The following CCSER1 variants were observed in gnomAD, a reference collection of about 807,000 sequenced individuals.
CCSER1 encodes the protein coiled-coil serine rich protein 1, also known as serine-rich coiled-coil domain-containing protein 1.
In CCSER1, 41 loss-of-function variants were observed where a neutral mutation model predicts 82.0. The ratio of observed to expected loss-of-function variants is 0.50; its 90% confidence interval spans 0.39 to 0.65. The LOEUF is 0.65. Ranked by LOEUF, CCSER1 falls within the 30% of genes least tolerant of loss-of-function variation. CCSER1 has a pLI of 0.00. For synonymous variants in CCSER1, 414 were observed against 383.9 expected (o/e 1.08, Z -0.92); for missense variants, 1,119 against 1,064.2 (o/e 1.05, Z -0.72).
At chr4:90,980,932 T>C (rs559271517) in intron 9 of CCSER1, among the ~76,000 whole-genome samples, 9 of 151,946 alleles carry the variant, frequency 5.9e-5, no homozygotes, top group Admixed American at 5.9e-4. Flanking sequence ...ATTGGTGCCC[T>C]GCCCATAGTC....
intron 10 of CCSER1, among the ~76,000 whole-genome samples, chr4:91,221,816 A>G (rs533813060): frequency 6.6e-6 from 1 of 152,274 alleles, no homozygotes; most frequent in South Asian, 2.1e-4. Context: ...ATTAATAAAT[A>G]GCTAGAGTCC....
At chr4:91,161,729 C>G (rs929983615) in intron 10 of CCSER1, among the ~76,000 whole-genome samples, 1 of 151,982 alleles carries the variant, frequency 6.6e-6, no homozygotes, top group Admixed American at 6.6e-5. Context: ...TGTAGGAATG[C>G]GTGTGATTTT....
chr4:90,341,235 G>GA (rs1741325577), intron 3 of CCSER1, among the ~76,000 whole-genome samples: 1 of 152,056 alleles, frequency 6.6e-6, no homozygotes, highest in African/African-American at 2.4e-5. Flanking sequence ...ATCATGCAGT[G>GA]AAATCAGTGA....
intron 3 of CCSER1, among the ~76,000 whole-genome samples, chr4:90,319,439 T>A (rs1239192566): frequency 6.6e-6 from 1 of 152,044 alleles, no homozygotes; most frequent in African/African-American, 2.4e-5. Flanking sequence ...GTCATGAGGT[T>A]AGGAGATCAA....
chr4:90,352,666 CAA>C (rs34070285), intron 3 of CCSER1, among the ~76,000 whole-genome samples: 77 of 149,900 alleles, frequency 5.1e-4, no homozygotes, highest in African/African-American at 1.8e-3. Flanking sequence ...TCTCAAAAAA[CAA>C]AAAAAAAACA....
chr4:91,435,643 T>C (rs925855612), intron 10 of CCSER1, among the ~76,000 whole-genome samples: 2 of 152,232 alleles, frequency 1.3e-5, no homozygotes, highest in Non-Finnish European at 2.9e-5. Flanking sequence ...AGTTCTTTTA[T>C]ATATTTTTTG....
At chr4:91,444,460 T>TA (rs1282629308) in intron 10 of CCSER1, among the ~76,000 whole-genome samples, 2 of 151,218 alleles carry the variant, frequency 1.3e-5, no homozygotes, top group Non-Finnish European at 3.0e-5. Context: ...TTCTTTTGCT[T>TA]TTTTTTTGAG....
chr4:90,884,993 A>G (rs1337654801), intron 8 of CCSER1, among the ~76,000 whole-genome samples: 2 of 152,156 alleles, frequency 1.3e-5, no homozygotes, highest in Non-Finnish European at 2.9e-5. Flanking sequence ...ATAGAGTTAG[A>G]ACTTTTATAT....
At chr4:90,916,968 C>T (rs1727549503) in intron 8 of CCSER1, among the ~76,000 whole-genome samples, 1 of 152,090 alleles carries the variant, frequency 6.6e-6, no homozygotes, top group African/African-American at 2.4e-5. Context: ...CAATGAGATA[C>T]CATCTCACAC....
chr4:91,062,031 T>G (rs971042402), intron 9 of CCSER1, among the ~76,000 whole-genome samples: 1 of 151,984 alleles, frequency 6.6e-6, no homozygotes, highest in Non-Finnish European at 1.5e-5. Flanking sequence ...CTGCATGCTC[T>G]CTCTCTCTCT....
chr4:91,014,885 T>C (rs890190254), intron 9 of CCSER1, among the ~76,000 whole-genome samples: 2 of 90,064 alleles, frequency 2.2e-5, no homozygotes, highest in Non-Finnish European at 6.2e-5. Context: ...GAAGGTGACA[T>C]ATTTGAAACA....
At position 91,542,842 on chromosome 4, in the gene CCSER1, A is replaced by G. The variant is rs145859799; in HGVS notation, c.2218-55730A>G. 2.5e-3 allele frequency among the ~76,000 whole-genome samples: 381 copies of G among 152,248 alleles called. 3 individuals carry two copies. The highest frequency in any genetic ancestry group is 8.7e-3 in the African/African-American group (360 of 41,548). ...CCTGCTTTGTGCAGAGCTGAGTTCA[A>G]TTCCTGGATATCCTTGTTACTTTTT... On this transcript the variant is annotated intron_variant, in intron 10 of 10. Transcript: ENST00000509176.
intron 10 of CCSER1, among the ~76,000 whole-genome samples, chr4:91,317,738 T>C (rs547237556): frequency 5.1e-4 from 78 of 152,058 alleles, no homozygotes; most frequent in African/African-American, 1.5e-3. Flanking sequence ...CCTTGGTACC[T>C]GGCAATCCTT....
At chr4:91,460,232 T>C (rs757073424) in intron 10 of CCSER1, among the ~76,000 whole-genome samples, 8 of 152,182 alleles carry the variant, frequency 5.3e-5, no homozygotes, top group Non-Finnish European at 1.0e-4. Flanking sequence ...TCTAAGAATA[T>C]TGATAATTCG....
intron 10 of CCSER1, among the ~76,000 whole-genome samples, chr4:91,149,348 G>A (rs1729891296): frequency 6.6e-6 from 1 of 152,114 alleles, no homozygotes; most frequent in Admixed American, 6.5e-5. Flanking sequence ...TCATAAATTT[G>A]TTTAAGTTCT....
rs536247068 is a variant in CCSER1 at position 90,828,878 on chromosome 4, G to A, written c.2094+13033G>A. On this transcript the variant is annotated intron_variant, in intron 8 of 10. Transcript: ENST00000509176. ...CTTTTAGAGAATAAAGCAAGACAAT[G>A]TCACATTATTAAATTATATAGATGA... 3.3e-5 allele frequency among the ~76,000 whole-genome samples: 5 copies of A among 152,198 alleles called. No individual in the cohort carries two copies. The South Asian group carries it at 1.0e-3, about 32-fold the overall frequency.
chr4:90,225,231 AT>A (rs57188209), intron 1 of CCSER1, among the ~76,000 whole-genome samples: 6,402 of 111,000 alleles, frequency 0.058, 106 homozygotes, highest in Non-Finnish European at 0.086. Flanking sequence ...TACCCGGCTA[AT>A]TTTTTTTTTT....
chr4:91,074,911 C>T (rs927590365), intron 9 of CCSER1, among the ~76,000 whole-genome samples: 2 of 151,984 alleles, frequency 1.3e-5, no homozygotes, highest in Non-Finnish European at 2.9e-5. Flanking sequence ...TCCATCTGTC[C>T]AATCTATATT....
At chr4:90,915,134 A>C (rs1195230753) in intron 8 of CCSER1, among the ~76,000 whole-genome samples, 1 of 152,206 alleles carries the variant, frequency 6.6e-6, no homozygotes, top group Non-Finnish European at 1.5e-5. Context: ...CAATCAATAG[A>C]AAAAGAGGGA....
Sources: gnomAD v4.1 joint callset for allele counts (sites outside exome capture counted in the v4.1 genomes callset) on GRCh38, gnomAD v4.1.1 for gene constraint, MANE v1.5 for transcripts, NCBI Gene and HGNC (gene_info 2026-07-23, HGNC 2026-07-21) for gene names.